Variants in MYLK4 observed in about 807,000 individuals in gnomAD.
MYLK4 encodes the protein caMLCK like.
Under a neutral mutation model 48.1 loss-of-function variants are expected in MYLK4, and 46 were observed. The ratio of observed to expected loss-of-function variants is 0.96; its 90% CI spans 0.75 to 1.22. MYLK4 has a LOEUF of 1.22. MYLK4 is among the 50% of genes most tolerant of loss of function. The probability of loss-of-function intolerance (pLI) is 0.00; values close to 1 mark genes in which losing one functional copy is unlikely to be tolerated. For missense variants in MYLK4, 451 were observed against 486.1 expected (o/e 0.93, Z 0.68); for synonymous variants, 170 against 180.8 (o/e 0.94, Z 0.48).
At chr6:2,731,415 C>T (rs1295521056) in intron 2 of MYLK4, among the ~76,000 whole-genome samples, 1 of 152,196 alleles carries the variant, frequency 6.6e-6, no homozygotes, top group Non-Finnish European at 1.5e-5. Context: ...GCCATGGCTG[C>T]TGGAGGTGCT....
intron 9 of MYLK4, among the ~76,000 whole-genome samples, chr6:2,678,938 G>A (rs939700633): frequency 2.6e-5 from 4 of 152,188 alleles, no homozygotes; most frequent in East Asian, 3.9e-4. Context: ...TCTTGACCTC[G>A]TGATCCGCCC....
chr6:2,748,541 T>C (rs1013223601), intron 2 of MYLK4, among the ~76,000 whole-genome samples: 4 of 152,218 alleles, frequency 2.6e-5, no homozygotes, highest in African/African-American at 9.6e-5. Context: ...TTTACAGACG[T>C]GATCACACTT....
chr6:2,683,169 A>C lies in MYLK4; in HGVS notation c.546-7T>G, dbSNP rs531853246. 1 of 1,614,132 alleles carries C rather than the reference A, an allele frequency of 6.2e-7. No homozygotes were observed. Among genetic ancestry groups the C allele is most frequent in the South Asian group, 1.1e-5 (1 of 91,072 alleles). ...CAGCTCCCCACCATCCACACTGCAG[A>C]GGGAAGAGGACTGAAACCCTCAGTC... On this transcript the variant is annotated splice_polypyrimidine_tract_variant and splice_region_variant and intron_variant, in intron 6 of 12. Coordinates refer to ENST00000274643, the MANE Select transcript of MYLK4 (RefSeq NM_001012418.5).
intron 2 of MYLK4, among the ~76,000 whole-genome samples, chr6:2,720,047 T>A (rs1010190394): frequency 6.6e-6 from 1 of 152,190 alleles, no homozygotes; most frequent in Non-Finnish European, 1.5e-5. Context: ...TTTTTAAAGA[T>A]TTCCCAGGTG....
chr6:2,697,883 C>T (rs1762125916), intron 2 of MYLK4, among the ~76,000 whole-genome samples: 1 of 152,184 alleles, frequency 6.6e-6, no homozygotes, highest in African/African-American at 2.4e-5. Flanking sequence ...CTTGGTGAAG[C>T]AATGCGTGAT....
At chr6:2,701,207 C>T (rs1762268301) in intron 2 of MYLK4, among the ~76,000 whole-genome samples, 1 of 152,046 alleles carries the variant, frequency 6.6e-6, no homozygotes, top group Admixed American at 6.5e-5. Context: ...TTCTTCCCGC[C>T]GCAGACAGTT....
the MYLK4 span, among the ~76,000 whole-genome samples, chr6:2,760,460 TTAAA>T: frequency 6.6e-6 from 1 of 152,220 alleles, no homozygotes; most frequent in African/African-American, 2.4e-5. Flanking sequence ...GCATGATTGA[TTAAA>T]TTGTTGGCCA....
In MYLK4 at chr6:2,749,243, G is replaced by C. The variant is rs750154004; in HGVS notation, c.52C>G (p.Gln18Glu). Residue 18 changes from glutamine (Q) to glutamate (E), a missense_variant, in exon 2 of 13, where the codon CAG becomes GAG. Physicochemically the swap from Gln to Glu is conservative, Grantham distance 29 (BLOSUM62 2). Transcript: ENST00000274643. ...TGAAAAAAGGCCATTTTCTCCAGCT[G>C]GTTGCTGTTATAACACGTGTTGAAT... Reference protein sequence around the residue: ...EEFNTCYNSNQLEKMAFFQCR... With the variant: ...EEFNTCYNSNELEKMAFFQCR... 1.2e-6 allele frequency: 2 copies of C among 1,613,914 alleles called. No homozygotes were observed. The highest frequency in any genetic ancestry group is 1.7e-6 in the Non-Finnish European group (2 of 1,179,962).
the MYLK4 span, among the ~76,000 whole-genome samples, chr6:2,769,380 AT>A: frequency 6.6e-6 from 1 of 152,294 alleles, no homozygotes; most frequent in East Asian, 1.9e-4. Context: ...GACACAAGCT[AT>A]TTTTATAAAC....
chr6:2,706,236 G>C (rs1762482787), intron 2 of MYLK4, among the ~76,000 whole-genome samples: 1 of 152,138 alleles, frequency 6.6e-6, no homozygotes, highest in African/African-American at 2.4e-5. Flanking sequence ...GTTTAGAAGA[G>C]TAGGCAACTA....
chr6:2,680,276 A>T lies in MYLK4; in HGVS notation c.703T>A (p.Cys235Ser). ...ATTTGCTTAGCATCCCGATTCACAC[A>T]CAGGATATTCTCAGGCTGCCAGGAG... ...HLDLKPENIL[C>S]VNRDAKQIKI... The change falls in exon 8 of 13, where the codon TGT (cysteine) becomes AGT (serine). Residue 235 changes from cysteine to serine, a missense_variant. By Grantham distance (112) the Cys-to-Ser change is moderately radical. Transcript: ENST00000274643. The T allele has an allele frequency of 6.2e-7, 1 of 1,614,164 alleles. No homozygotes were observed.
the MYLK4 span, among the ~76,000 whole-genome samples, chr6:2,762,188 G>A: frequency 1.3e-5 from 2 of 152,154 alleles, no homozygotes; most frequent in Non-Finnish European, 2.9e-5. Context: ...GGGATTACCG[G>A]AGTTTATATT....
chr6:2,753,028 G>A (rs1764334963), upstream of MYLK4, among the ~76,000 whole-genome samples: 1 of 152,192 alleles, frequency 6.6e-6, no homozygotes, highest in South Asian at 2.1e-4. Flanking sequence ...TGTTCTGCAT[G>A]CTTAAAGATG....
intron 2 of MYLK4, among the ~76,000 whole-genome samples, chr6:2,730,944 C>T (rs1763457314): frequency 6.6e-6 from 1 of 152,148 alleles, no homozygotes; most frequent in South Asian, 2.1e-4. Flanking sequence ...GCTTAAACCC[C>T]TGGTTGTGGT....
chr6:2,757,658 A>G, the MYLK4 span, among the ~76,000 whole-genome samples: 1 of 152,268 alleles, frequency 6.6e-6, no homozygotes, highest in South Asian at 2.1e-4. Context: ...TAGTTAGGGA[A>G]AAAGGGACAG....
chr6:2,690,147 G>T (rs1273912081), intron 3 of MYLK4, among the ~76,000 whole-genome samples: 1 of 152,226 alleles, frequency 6.6e-6, no homozygotes, highest in Non-Finnish European at 1.5e-5. Flanking sequence ...TTCCTACCCA[G>T]TGGGGTCAGG....
chr6:2,738,144 C>T (rs994742184), intron 2 of MYLK4, among the ~76,000 whole-genome samples: 108 of 152,082 alleles, frequency 7.1e-4, no homozygotes, highest in Non-Finnish European at 1.0e-3. Flanking sequence ...CACATTATAA[C>T]TTCTCATTAT....
At chr6:2,720,641 G>A (rs185891727) in intron 2 of MYLK4, among the ~76,000 whole-genome samples, 5 of 152,038 alleles carry the variant, frequency 3.3e-5, no homozygotes, top group South Asian at 2.1e-4. Context: ...AATAGGATTC[G>A]TGTAAAAGAA....
rs1013050782 is a variant in MYLK4 at position 2,667,637 on chromosome 6, A to T, written c.*288T>A. 20 of 152,616 alleles carry T rather than the reference A, an allele frequency of 1.3e-4. No homozygotes were observed. Among genetic ancestry groups the T allele is most frequent in the African/African-American group, 4.8e-4 (20 of 41,432 alleles). 9.5% of individuals were successfully genotyped at this position (152,616 alleles called of 1,614,324 possible). ...GTGACTAAGATCAAAAAATTTTTTTAAAAAAGTAAAAAATCTCAAGATGGC... is the reference window on the plus strand; with the variant it reads ...GTGACTAAGATCAAAAAATTTTTTTTAAAAAGTAAAAAATCTCAAGATGGC... On this transcript the variant is annotated 3_prime_UTR_variant, in exon 13 of 13. Transcript: ENST00000274643.
Sources: allele counts gnomAD v4.1 joint callset (sites outside exome capture counted in the v4.1 genomes callset), GRCh38; gene constraint gnomAD v4.1.1; transcripts MANE v1.5; gene names NCBI Gene and HGNC (gene_info 2026-07-23, HGNC 2026-07-21).